Variants in AJAP1 observed in about 807,000 individuals in gnomAD.
AJAP1 encodes adherens junction-associated protein 1.
AJAP1 carries 5 observed loss-of-function variants against 35.0 expected under a neutral mutation model. That is an observed-to-expected ratio of 0.14 (90% CI 0.07 to 0.30). The LOEUF (loss-of-function observed/expected upper bound fraction) is 0.30, where lower values mean the gene tolerates loss of function less well. Among genes scored for constraint, AJAP1 ranks in the 10% least tolerant of loss-of-function variants. The pLI, the probability that AJAP1 is intolerant of heterozygous loss-of-function variation, is 1.00. For missense variants in AJAP1, 586 were observed against 571.0 expected, an observed-to-expected ratio of 1.03 and a Z score of -0.27; for synonymous variants, 284 against 249.3, an observed-to-expected ratio of 1.14 and a Z score of -1.31.
At chr1:4,781,873 T>C (rs181815957) in intron 5 of AJAP1, among the ~76,000 whole-genome samples, 1 of 152,042 alleles carries the variant, frequency 6.6e-6, no homozygotes, top group Non-Finnish European at 1.5e-5. Flanking sequence ...GCTGGCTGGG[T>C]GGGAGCCGCC....
chr1:4,771,545 T>C (rs1233382074), intron 3 of AJAP1, among the ~76,000 whole-genome samples: 1 of 152,138 alleles, frequency 6.6e-6, no homozygotes, highest in Non-Finnish European at 1.5e-5. Flanking sequence ...GTCCTTCCTG[T>C]GCTCTCATCA....
At chr1:4,728,045 A>G (rs1640711351) in intron 2 of AJAP1, among the ~76,000 whole-genome samples, 1 of 152,206 alleles carries the variant, frequency 6.6e-6, no homozygotes, top group Non-Finnish European at 1.5e-5. Flanking sequence ...TAACAAAGCC[A>G]TAGCCAGACT....
chr1:4,675,171 C>T (rs1380388191), intron 1 of AJAP1, among the ~76,000 whole-genome samples: 1 of 152,202 alleles, frequency 6.6e-6, no homozygotes, highest in African/African-American at 2.4e-5. Context: ...CACAAGACCA[C>T]TCCCACTTTT....
chr1:4,728,971 C>A (rs1640738093), intron 2 of AJAP1, among the ~76,000 whole-genome samples: 1 of 152,200 alleles, frequency 6.6e-6, no homozygotes, highest in African/African-American at 2.4e-5. Context: ...TTCCATTATC[C>A]CCTGAGGCTC....
Position 4,782,551 on chromosome 1 carries a change from G to A in AJAP1, c.*66G>A, listed in dbSNP as rs923115788. 4 of 389,214 alleles carry A rather than the reference G, an allele frequency of 1.0e-5. No homozygotes were observed. Among genetic ancestry groups the A allele is most frequent in the Non-Finnish European group, 1.8e-5 (4 of 220,824 alleles). The allele number at this position is 389,214 out of a possible 1,614,324, so 24.1% of individuals were successfully genotyped here. Reference sequence around the variant, plus strand: ...TTGTTTTCTTTCCACACAGGATTCCGTTGGTGAACCTGTAAAAACAAAACA... The same window carrying A: ...TTGTTTTCTTTCCACACAGGATTCCATTGGTGAACCTGTAAAAACAAAACA... On this transcript the variant is annotated 3_prime_UTR_variant, in exon 6 of 6. Transcript: ENST00000378191. This position sits in a 1 kb window ranked among gnomAD's most constrained non-coding sequence, Gnocchi z 5.3.
At chr1:4,710,463 ACACT>A (rs35737766) in intron 1 of AJAP1, among the ~76,000 whole-genome samples, 61,124 of 151,722 alleles carry the variant, frequency 0.4, 12,704 homozygotes, top group African/African-American at 0.51. Context: ...ACACACGTAC[ACACT>A]CACATACGTG....
rs1640150276 is a variant in AJAP1, at chr1:4,708,446, C to T, written c.30-3454C>T. Among the ~76,000 whole-genome samples the T allele has an allele frequency of 2.0e-5, 3 of 152,198 alleles. No individual in the cohort carries two copies. In the South Asian group the frequency reaches 6.2e-4, roughly 31 times the overall value. On this transcript the variant is annotated intron_variant, in intron 1 of 5. Transcript: ENST00000378191. ...CATCTTGGTGCATGTCTGACAGTGCCATGGATGCCCTATGGGGTGAGGCCC... is the reference window on the plus strand; with the variant it reads ...CATCTTGGTGCATGTCTGACAGTGCTATGGATGCCCTATGGGGTGAGGCCC...
chr1:4,685,663 A>AT, intron 1 of AJAP1, among the ~76,000 whole-genome samples: 1 of 152,340 alleles, frequency 6.6e-6, no homozygotes, highest in African/African-American at 2.4e-5. Flanking sequence ...ACCCTGCCCC[A>AT]GCGAAGGAGA....
At chr1:4,680,076 G>C (rs1325780129) in intron 1 of AJAP1, among the ~76,000 whole-genome samples, 1 of 152,174 alleles carries the variant, frequency 6.6e-6, no homozygotes, top group Admixed American at 6.5e-5. Context: ...CTGAAGGCAG[G>C]AAAAGACCAA....
At chr1:4,772,583 C>G in intron 4 of AJAP1, 58 bp downstream of exon 4, 4 of 1,591,486 alleles carry the variant, frequency 2.5e-6, no homozygotes, top group Non-Finnish European at 3.4e-6. Flanking sequence ...TCCTGACCCC[C>G]GGGGGCCGGT....
chr1:4,785,562 C>T lies in AJAP1; in HGVS notation c.*3077C>T, dbSNP rs1642147852. 6.6e-6 allele frequency: 1 copy of T among 152,142 alleles called. No homozygotes were observed. The highest frequency in any genetic ancestry group is 6.5e-5 in the Admixed American group (1 of 15,282). 9.4% of individuals were successfully genotyped at this position (152,142 alleles called of 1,614,324 possible). On this transcript the variant is annotated 3_prime_UTR_variant, in exon 6 of 6. Transcript: ENST00000378191. The stretch of plus-strand genomic sequence containing the variant: ...TGCACCAGAGCACAGACTTGTCCTA[C>T]TTCGGGCCATATGTATAGGTAATGC...
intron 5 of AJAP1, among the ~76,000 whole-genome samples, chr1:4,775,953 C>T (rs1221261774): frequency 1.3e-5 from 2 of 152,222 alleles, no homozygotes; most frequent in Admixed American, 6.5e-5. Context: ...GTGTAGTCCG[C>T]GACCCGCCTG....
chr1:4,669,706 A>C (rs901150495), intron 1 of AJAP1, among the ~76,000 whole-genome samples: 3 of 152,160 alleles, frequency 2.0e-5, no homozygotes, highest in Non-Finnish European at 4.4e-5. Context: ...ACTTAGCATA[A>C]TGTTTTTTAG....
At chr1:4,694,130 T>C (rs999113104) in intron 1 of AJAP1, among the ~76,000 whole-genome samples, 1 of 151,986 alleles carries the variant, frequency 6.6e-6, no homozygotes, top group African/African-American at 2.4e-5. Context: ...AGGGGCGGGG[T>C]GAGCCTCCCG....
At chr1:4,759,595 C>T (rs1039125179) in intron 2 of AJAP1, among the ~76,000 whole-genome samples, 1 of 152,082 alleles carries the variant, frequency 6.6e-6, no homozygotes, top group African/African-American at 2.4e-5. Context: ...ACCTTCTGTA[C>T]GGGGGCCTCT....
At chr1:4,744,003 G>C (rs1419160264) in intron 2 of AJAP1, among the ~76,000 whole-genome samples, 1 of 152,206 alleles carries the variant, frequency 6.6e-6, no homozygotes, top group East Asian at 1.9e-4. Flanking sequence ...ATCTGGGAGA[G>C]AGCTGGGATC....
At chr1:4,700,352 T>A (rs113855348) in intron 1 of AJAP1, among the ~76,000 whole-genome samples, 13,290 of 152,162 alleles carry the variant, frequency 0.087, 649 homozygotes, top group African/African-American at 0.11. Context: ...ATACCGATGC[T>A]GGGCCTCGCC....
chr1:4,713,797 C>T (rs1279251437), intron 2 of AJAP1, among the ~76,000 whole-genome samples: 2 of 152,230 alleles, frequency 1.3e-5, no homozygotes, highest in African/African-American at 2.4e-5. Context: ...ACAAAGTGGG[C>T]GGGGGCGCCC....
chr1:4,702,087 TGTGTCCCCAGTATTCTAAC>T lies in AJAP1; in HGVS notation c.30-9797_30-9779del, dbSNP rs1231416887. On this transcript the variant is annotated intron_variant, in intron 1 of 5. Coordinates refer to ENST00000378191, the MANE Select transcript of AJAP1 (RefSeq NM_018836.4). ...TTCTAACGTGTCCCCAGTGTTCTCATGTGTCCCCAGTATTCTAACGTGTCCCCAGTATTCCAACGTGTCC... is the reference window on the plus strand; with the variant it reads ...TTCTAACGTGTCCCCAGTGTTCTCATGTGTCCCCAGTATTCCAACGTGTCC... 1.8e-4 allele frequency among the ~76,000 whole-genome samples: 28 copies of T among 152,106 alleles called. No individual in the cohort carries two copies. The East Asian group carries it at 4.2e-3, about 23-fold the overall frequency.
Sources: gnomAD v4.1 joint callset for allele counts (sites outside exome capture counted in the v4.1 genomes callset) on GRCh38, gnomAD v4.1.1 for gene constraint, Gnocchi (gnomAD v3.1) non-coding constraint, MANE v1.5 for transcripts, NCBI Gene and HGNC (gene_info 2026-07-23, HGNC 2026-07-21) for gene names.